The following VIT variants were observed in gnomAD, a reference collection of about 807,000 sequenced individuals.
The protein encoded by VIT is vitrin.
Under a neutral mutation model 78.0 loss-of-function variants are expected in VIT, and 99 were observed. The ratio of observed to expected loss-of-function variants is 1.27; its 90% CI spans 1.08 to 1.50. VIT has a LOEUF of 1.50. VIT is among the 40% of genes most tolerant of loss of function. The pLI, the probability that VIT is intolerant of heterozygous loss-of-function variation, is 0.00. For synonymous variants in VIT, 374 were observed against 334.3 expected (o/e 1.12, Z -1.29); for missense variants, 1,126 against 875.3 (o/e 1.29, Z -3.61).
intron 3 of VIT, among the ~76,000 whole-genome samples, chr2:36,731,990 T>C (rs1199695725): frequency 6.6e-6 from 1 of 152,182 alleles, no homozygotes; most frequent in African/African-American, 2.4e-5. Flanking sequence ...AGGGCAACCA[T>C]CCACAGCCTC....
At chr2:36,793,081 G>C (rs1665621142) in intron 12 of VIT, among the ~76,000 whole-genome samples, 1 of 152,112 alleles carries the variant, frequency 6.6e-6, no homozygotes, top group Non-Finnish European at 1.5e-5. Flanking sequence ...GCACATCTGA[G>C]CTTGGGAAGC....
chr2:36,783,259 T>C, intron 10 of VIT, 81 bp from the exon 11 acceptor site: 2 of 1,395,304 alleles, frequency 1.4e-6, no homozygotes, highest in Non-Finnish European at 2.0e-6. Context: ...GGTGTGAATA[T>C]CCATTATGTC....
chr2:36,805,038 C>A (rs1666605814), intron 13 of VIT, among the ~76,000 whole-genome samples: 1 of 152,066 alleles, frequency 6.6e-6, no homozygotes, highest in African/African-American at 2.4e-5. Flanking sequence ...TGCAGTGGCT[C>A]ATGCCTGTAA....
At chr2:36,796,509 G>A (rs1347932301) in intron 12 of VIT, among the ~76,000 whole-genome samples, 1 of 152,132 alleles carries the variant, frequency 6.6e-6, no homozygotes, top group Non-Finnish European at 1.5e-5. Context: ...ACAGGGAATC[G>A]ACAATTGCTC....
chr2:36,747,685 G>GGCTA (rs1668221747), intron 4 of VIT, among the ~76,000 whole-genome samples: 1 of 152,186 alleles, frequency 6.6e-6, no homozygotes, highest in Non-Finnish European at 1.5e-5. Flanking sequence ...GTAGATGGCT[G>GGCTA]GGTCTTGTTT....
Position 36,759,037 on chromosome 2 carries a change from G to A in VIT, c.478G>A (p.Ala160Thr), listed in dbSNP as rs369056217. 2.9e-5 allele frequency: 47 copies of A among 1,613,862 alleles called. No homozygotes were observed. Among genetic ancestry groups the A allele is most frequent in the Non-Finnish European group, 3.6e-5 (43 of 1,180,024 alleles). ...LTYSSSKSPA[A>T]QAGETTKAYQ... is the part of the protein sequence containing the mutation. ...ATACTCATCATCGAAAAGTCCAGCT[G>A]CCCAAGCAGGCAAGTGCTCACGTGT... Residue 160 changes from alanine to threonine, a missense_variant, in exon 6 of 16, where the codon GCC becomes ACC. Transcript: ENST00000379242.
chr2:36,698,170 T>A (rs527848152), intron 1 of VIT, among the ~76,000 whole-genome samples: 2 of 152,176 alleles, frequency 1.3e-5, no homozygotes, highest in Non-Finnish European at 2.9e-5. Flanking sequence ...TATTGCAATA[T>A]GCTGGTTTCC....
chr2:36,765,100 G>C (rs1472624701), intron 6 of VIT, among the ~76,000 whole-genome samples: 1 of 152,090 alleles, frequency 6.6e-6, no homozygotes, highest in African/African-American at 2.4e-5. Flanking sequence ...AAAATGTGGG[G>C]AGCCTTTGCT....
intron 4 of VIT, 121 bp from the exon 5 acceptor site, chr2:36,754,800 C>G: frequency 8.8e-7 from 1 of 1,140,236 alleles, no homozygotes; most frequent in Non-Finnish European, 1.2e-6. Flanking sequence ...TCAAGGTAAA[C>G]TTTGCTTAAC....
In VIT at chr2:36,805,443, G is replaced by A; in HGVS notation, c.1168G>A (p.Ala390Thr). 2 of 1,607,424 alleles carry A rather than the reference G, an allele frequency of 1.2e-6. No individual in the cohort carries two copies. Among genetic ancestry groups the A allele is most frequent in the Non-Finnish European group, 8.5e-7 (1 of 1,176,858 alleles). The change falls in exon 14 of 16, where the codon GCC (alanine) becomes ACC (threonine). Residue 390 changes from alanine to threonine, a missense_variant. Physicochemically the swap from Ala to Thr is moderately conservative, Grantham distance 58. Coordinates refer to ENST00000379242, the MANE Select transcript of VIT (RefSeq NM_053276.4). ...GAATTTTCTTTTTCTTCCAGGTCGGGCCATCTCCTTTGTGACCAAGAACTT... is the reference window on the plus strand; with the variant it reads ...GAATTTTCTTTTTCTTCCAGGTCGGACCATCTCCTTTGTGACCAAGAACTT... ...QRGGLSNVGRAISFVTKNFFS... is the reference protein window; with the variant it reads ...QRGGLSNVGRTISFVTKNFFS...
intron 8 of VIT, chr2:36,774,733 G>C: frequency 1.0e-6 from 1 of 985,318 alleles, no homozygotes; most frequent in African/African-American, 1.7e-5. Flanking sequence ...GAGAACACTG[G>C]CCAGGGCAAG....
chr2:36,799,097 G>T (rs910443479), intron 12 of VIT, among the ~76,000 whole-genome samples: 2 of 152,162 alleles, frequency 1.3e-5, no homozygotes, highest in African/African-American at 4.8e-5. Context: ...TAAATTTCCT[G>T]TCTTCCCTGA....
chr2:36,767,141 G>T lies in VIT; in HGVS notation c.535G>T (p.Ala179Ser). Residue 179 changes from alanine to serine, a missense_variant, in exon 7 of 16, where the codon GCA (alanine) becomes TCA (serine). By Grantham distance (99) the Ala-to-Ser change is moderately conservative. Transcript: ENST00000379242. Reference protein sequence around the residue: ...YQRPPIPGTTAQPVTLMQLLA... With the variant: ...YQRPPIPGTTSQPVTLMQLLA... ...GAGGCCACCTATTCCAGGGACAACT[G>T]CACAGCCGGTCACTCTGATGCAGCT... The T allele has an allele frequency of 3.7e-6, 6 of 1,607,434 alleles. No individual in the cohort carries two copies. Among genetic ancestry groups the T allele is most frequent in the Non-Finnish European group, 5.1e-6 (6 of 1,177,216 alleles).
At position 36,767,126 on chromosome 2, in the gene VIT, A is replaced by C; in HGVS notation, c.520A>C (p.Ile174Leu). The C allele has an allele frequency of 6.2e-7, 1 of 1,606,050 alleles. No individual in the cohort carries two copies. Among genetic ancestry groups the C allele is most frequent in the Non-Finnish European group, 8.5e-7 (1 of 1,176,794 alleles). The change falls in exon 7 of 16, where the codon ATT becomes CTT. Residue 174 changes from isoleucine (I) to leucine (L), a missense_variant. Physicochemically the swap from Ile to Leu is conservative, Grantham distance 5. Transcript: ENST00000379242. Reference sequence around the variant, plus strand: ...CACAAAAGCCTATCAGAGGCCACCTATTCCAGGGACAACTGCACAGCCGGT... The same window carrying C: ...CACAAAAGCCTATCAGAGGCCACCTCTTCCAGGGACAACTGCACAGCCGGT... The part of the protein sequence containing the change: ...ETTKAYQRPP[I>L]PGTTAQPVTL...
chr2:36,760,977 T>G (rs1669082070), intron 6 of VIT, among the ~76,000 whole-genome samples: 1 of 152,058 alleles, frequency 6.6e-6, no homozygotes, highest in Non-Finnish European at 1.5e-5. Context: ...CAGAGATCCC[T>G]AGGGCAGAAA....
intron 5 of VIT, among the ~76,000 whole-genome samples, chr2:36,757,802 C>T (rs1022372425): frequency 2.6e-5 from 4 of 152,162 alleles, no homozygotes; most frequent in African/African-American, 9.7e-5. Flanking sequence ...GTAAGCAGGG[C>T]CGTGTCATTA....
intron 4 of VIT, among the ~76,000 whole-genome samples, chr2:36,751,284 T>C (rs1377091031): frequency 6.6e-6 from 1 of 152,130 alleles, no homozygotes; most frequent in African/African-American, 2.4e-5. Context: ...TAATGCCAGC[T>C]ACTCAGGAGG....
intron 12 of VIT, among the ~76,000 whole-genome samples, chr2:36,789,693 G>C (rs1176309576): frequency 1.3e-5 from 2 of 152,098 alleles, no homozygotes; most frequent in Non-Finnish European, 1.5e-5. Context: ...CTGGTGATTT[G>C]GGTTCTCACC....
intron 7 of VIT, among the ~76,000 whole-genome samples, chr2:36,768,089 G>A (rs555098856): frequency 1.8e-4 from 28 of 152,136 alleles, no homozygotes; most frequent in African/African-American, 5.5e-4. Flanking sequence ...CCCCCTCTCC[G>A]CTCCCATAGC....
Sources: gnomAD v4.1 joint callset for allele counts (sites outside exome capture counted in the v4.1 genomes callset) on GRCh38, gnomAD v4.1.1 for gene constraint, MANE v1.5 for transcripts, NCBI Gene and HGNC (gene_info 2026-07-23, HGNC 2026-07-21) for gene names.